Variants in FAM174B observed in about 807,000 individuals in gnomAD.
The protein encoded by FAM174B is membrane protein FAM174B.
In FAM174B, 12 loss-of-function variants were observed where a neutral mutation model predicts 10.9. The observed-to-expected ratio is 1.10, with a 90% CI of 0.71 to 1.79. The LOEUF (loss-of-function observed/expected upper bound fraction) is 1.79, where lower values mean the gene tolerates loss of function less well. Among genes scored for constraint, FAM174B ranks in the 40% most tolerant of loss-of-function variants. The pLI is 0.00. For missense variants in FAM174B, 266 were observed against 233.3 expected, an observed-to-expected ratio of 1.14 and a Z score of -0.91; for synonymous variants, 132 against 115.8, an observed-to-expected ratio of 1.14 and a Z score of -0.90.
rs371711774 is a variant in FAM174B at position 92,655,303 on chromosome 15, C to A, written c.344+13G>T. The stretch of plus-strand genomic sequence containing the variant: ...TCGGCCGGCGGGGGAAGGAAGAGGG[C>A]GGGAGGGCCCACCTGAAGACGCGCA... On this transcript the variant is annotated intron_variant, in intron 1 of 2. Coordinates refer to ENST00000327355, the MANE Select transcript of FAM174B (RefSeq NM_207446.3). The A allele has an allele frequency of 5.3e-5, 81 of 1,540,200 alleles. No individual in the cohort carries two copies. The highest frequency in any genetic ancestry group is 7.0e-5 in the Non-Finnish European group (80 of 1,142,356).
chr15:92,649,844 C>T (rs2050953881), intron 1 of FAM174B, among the ~76,000 whole-genome samples: 1 of 152,150 alleles, frequency 6.6e-6, no homozygotes, highest in Non-Finnish European at 1.5e-5. Context: ...TTGGCTGTAT[C>T]CGATTTGCTT....
chr15:92,654,799 AAAGAAGAAGAAG>A (rs528819022), intron 1 of FAM174B, among the ~76,000 whole-genome samples: 1 of 146,848 alleles, frequency 6.8e-6, no homozygotes, highest in African/African-American at 2.7e-5. Flanking sequence ...AAAAAAAAAA[AAAGAAGAAGAAG>A]AAGAAGAAGA....
At chr15:92,633,055 A>G (rs1276356588) in intron 1 of FAM174B, among the ~76,000 whole-genome samples, 1 of 152,176 alleles carries the variant, frequency 6.6e-6, no homozygotes, top group Non-Finnish European at 1.5e-5. Flanking sequence ...TAACTGCTTT[A>G]TATTCACTGA....
intron 1 of FAM174B, among the ~76,000 whole-genome samples, chr15:92,646,537 G>A (rs2050928934): frequency 6.6e-6 from 1 of 152,292 alleles, no homozygotes; most frequent in South Asian, 2.1e-4. Flanking sequence ...TCTCAGCAGT[G>A]CCAAAGCTAA....
intron 2 of FAM174B, chr15:92,619,935 T>C (rs1161679652): frequency 6.0e-6 from 1 of 165,650 alleles, no homozygotes. Flanking sequence ...ACACTGAAAT[T>C]TGAATTGCAT....
Position 92,655,639 on chromosome 15 carries a change from G to T in FAM174B, c.21C>A (p.Pro7=). 1 of 1,255,956 alleles carries T rather than the reference G, an allele frequency of 8.0e-7. No homozygotes were observed. The highest frequency in any genetic ancestry group is 1.6e-5 in the African/African-American group (1 of 64,370). 77.8% of individuals were successfully genotyped at this position (1,255,956 alleles called of 1,614,324 possible). A position where few individuals can be genotyped will look rare whatever the true frequency, so the allele number is the denominator to read the frequency against. Residue 7 remains proline (P), a synonymous_variant, in exon 1 of 3, where the codon CCC becomes CCA. Coordinates refer to ENST00000327355, the MANE Select transcript of FAM174B (RefSeq NM_207446.3). Reference sequence around the variant, plus strand: ...GCAGCAGCAGCGGCAGGAGCGGGGCGGGCAGCGGCACGGCGCGCATAGTGC... The same window carrying T: ...GCAGCAGCAGCGGCAGGAGCGGGGCTGGCAGCGGCACGGCGCGCATAGTGC... MRAVPL[P]APLLPLLLLA... is the part of the protein sequence containing the mutation.
rs1316160359 is a variant in FAM174B at position 92,617,585 on chromosome 15, C to A, written c.*1871G>T. The A allele has an allele frequency of 1.6e-6, 1 of 610,840 alleles. No individual in the cohort carries two copies. The highest frequency in any genetic ancestry group is 2.9e-6 in the Non-Finnish European group (1 of 345,936). 37.8% of individuals were successfully genotyped at this position (610,840 alleles called of 1,614,324 possible). A position where few individuals can be genotyped will look rare whatever the true frequency, so the allele number is the denominator to read the frequency against. On this transcript the variant is annotated 3_prime_UTR_variant, in exon 3 of 3. Transcript: ENST00000327355. ...GGCAGATGGAGCCCGGGTGTTTCTGCGTAAGGCAGAGGAATCCAGCTTTTC... is the reference window on the plus strand; with the variant it reads ...GGCAGATGGAGCCCGGGTGTTTCTGAGTAAGGCAGAGGAATCCAGCTTTTC...
At chr15:92,652,827 C>T (rs746335314) in intron 1 of FAM174B, among the ~76,000 whole-genome samples, 1 of 151,984 alleles carries the variant, frequency 6.6e-6, no homozygotes, top group Non-Finnish European at 1.5e-5. Context: ...GGAAGGAGGG[C>T]CCCCAGCCAG....
In FAM174B at chr15:92,619,261, G is replaced by T. The variant is rs1287830131; in HGVS notation, c.*195C>A. The T allele has an allele frequency of 1.4e-6, 1 of 720,802 alleles. No individual in the cohort carries two copies. The highest frequency in any genetic ancestry group is 2.5e-6 in the Non-Finnish European group (1 of 397,496). 44.7% of individuals were successfully genotyped at this position (720,802 alleles called of 1,614,324 possible). On this transcript the variant is annotated 3_prime_UTR_variant, in exon 3 of 3. Coordinates refer to ENST00000327355, the MANE Select transcript of FAM174B (RefSeq NM_207446.3). The stretch of plus-strand genomic sequence containing the variant: ...GGGTGGCAGAAGCAACTCCATTGTG[G>T]TGACGTGGAAACGAGCTTGCCAGTG...
chr15:92,625,182 C>T (rs1249704861), intron 2 of FAM174B, among the ~76,000 whole-genome samples: 1 of 150,890 alleles, frequency 6.6e-6, no homozygotes, highest in Non-Finnish European at 1.5e-5. Flanking sequence ...GCCCTACGCA[C>T]TCAAGGTCTT....
intron 2 of FAM174B, among the ~76,000 whole-genome samples, chr15:92,624,953 T>C (rs992250811): frequency 1.3e-5 from 2 of 151,808 alleles, no homozygotes; most frequent in African/African-American, 4.8e-5. Context: ...AAACCGGGAA[T>C]GCAAAGAGGC....
intron 1 of FAM174B, among the ~76,000 whole-genome samples, chr15:92,635,666 C>T (rs910261374): frequency 4.0e-5 from 6 of 151,598 alleles, no homozygotes; most frequent in African/African-American, 1.5e-4. Flanking sequence ...CTGCAACCTC[C>T]ACCTCCCAGG....
rs1231708468 is a variant in FAM174B at position 92,618,847 on chromosome 15, A to C, written c.*609T>G. ...CTGAACCTTTTTTTTTTTTAAAAAAAAAAAAAAAGGAAGAAAGAAAAGGAG... is the reference window on the plus strand; with the variant it reads ...CTGAACCTTTTTTTTTTTTAAAAAACAAAAAAAAGGAAGAAAGAAAAGGAG... On this transcript the variant is annotated 3_prime_UTR_variant, in exon 3 of 3. Coordinates refer to ENST00000327355, the MANE Select transcript of FAM174B (RefSeq NM_207446.3). 5.0e-6 allele frequency: 1 copy of C among 198,448 alleles called. No homozygotes were observed. The allele number at this position is 198,448 out of a possible 1,614,324, so 12.3% of individuals were successfully genotyped here. A position where few individuals can be genotyped will look rare whatever the true frequency, so the allele number is the denominator to read the frequency against.
chr15:92,637,164 G>A (rs2050861399), intron 1 of FAM174B, among the ~76,000 whole-genome samples: 1 of 152,236 alleles, frequency 6.6e-6, no homozygotes, highest in Non-Finnish European at 1.5e-5. Context: ...GGCAATGGCA[G>A]AGGAGCAGGG....
Position 92,631,626 on chromosome 15 carries a change from C to G in FAM174B, c.345-1281G>C, listed in dbSNP as rs1245449685. On this transcript the variant is annotated intron_variant, in intron 1 of 2. Coordinates refer to ENST00000327355, the MANE Select transcript of FAM174B (RefSeq NM_207446.3). ...TCTCCTGCCTCAGCCTCCCGAGTAG[C>G]TGGGACTACAGGCGCCCGCCACCAC... Among the ~76,000 whole-genome samples, 9 of 145,572 alleles carry G rather than the reference C, an allele frequency of 6.2e-5. No individual in the cohort carries two copies. In the East Asian group the frequency reaches 8.1e-4, roughly 13 times the overall value.
chr15:92,630,729 T>C (rs379303), intron 1 of FAM174B, among the ~76,000 whole-genome samples: 1,220 of 118,634 alleles, frequency 0.01, 93 homozygotes, highest in Middle Eastern at 0.028. Flanking sequence ...TTTTATATTA[T>C]ATAATTATAT....
chr15:92,620,151 C>G (rs1224142467), intron 2 of FAM174B: 1 of 152,246 alleles, frequency 6.6e-6, no homozygotes, highest in Non-Finnish European at 1.5e-5. Flanking sequence ...ACAAAAGCCA[C>G]ATCTAAGCTT....
intron 1 of FAM174B, among the ~76,000 whole-genome samples, chr15:92,633,132 C>T (rs964723299): frequency 4.6e-5 from 7 of 152,022 alleles, no homozygotes; most frequent in African/African-American, 1.2e-4. Context: ...AAGTCATAAA[C>T]GGGGCACTGA....
At chr15:92,630,691 T>TTA (rs1296878456) in intron 1 of FAM174B, among the ~76,000 whole-genome samples, 53 of 143,830 alleles carry the variant, frequency 3.7e-4, no homozygotes, top group Non-Finnish European at 6.0e-4. Context: ...AATATATATT[T>TTA]TATATATATA....
Sources: gnomAD v4.1 joint callset for allele counts (sites outside exome capture counted in the v4.1 genomes callset) on GRCh38, gnomAD v4.1.1 for gene constraint, MANE v1.5 for transcripts, NCBI Gene and HGNC (gene_info 2026-07-23, HGNC 2026-07-21) for gene names.